The following TUSC3 variants were observed in gnomAD, a reference collection of about 807,000 sequenced individuals.
The protein encoded by TUSC3 is tumor suppressor candidate 3, also known as dolichyl-diphosphooligosaccharide--protein glycosyltransferase subunit TUSC3.
TUSC3 carries 45 observed loss-of-function variants against 44.8 expected under a neutral mutation model. The observed-to-expected ratio is 1.00, with a 90% CI of 0.79 to 1.29. TUSC3 has a LOEUF of 1.29. Ranked by LOEUF, TUSC3 falls within the 50% of genes most tolerant of loss-of-function variation. TUSC3 has a pLI of 0.00. For missense variants in TUSC3, 519 were observed against 437.9 expected, an observed-to-expected ratio of 1.19 and a Z score of -1.65; for synonymous variants, 212 against 152.9, an observed-to-expected ratio of 1.39 and a Z score of -2.85.
At position 15,650,803 on chromosome 8, in the gene TUSC3, G is replaced by A. The variant is rs371225890; in HGVS notation, c.415G>A (p.Val139Ile). 209 of 1,613,622 alleles carry A rather than the reference G, an allele frequency of 1.3e-4. No individual in the cohort carries two copies. The highest frequency in any genetic ancestry group is 1.8e-4 in the South Asian group (16 of 91,076). The change falls in exon 3 of 11, where the codon GTT becomes ATT. Residue 139 changes from valine to isoleucine, a missense_variant. Val to Ile is a conservative substitution (Grantham distance 29). Coordinates refer to ENST00000503731, the MANE Select transcript of TUSC3 (RefSeq NM_006765.4). ...SMVDYDEGTDVFQQLNMNSAP... is the reference protein window; with the variant it reads ...SMVDYDEGTDIFQQLNMNSAP... ...GGTGGACTATGATGAGGGGACAGAC[G>A]TTTTTCAGCAGGTAAAGAGTTATAT...
At chr8:15,494,576 C>G (rs1468566330) in intron 2 of TUSC3, among the ~76,000 whole-genome samples, 1 of 152,178 alleles carries the variant, frequency 6.6e-6, no homozygotes, top group Non-Finnish European at 1.5e-5. Context: ...CTCAGCTTCC[C>G]AAAGTGCTGG....
intron 2 of TUSC3, among the ~76,000 whole-genome samples, chr8:15,501,931 G>A (rs1358435781): frequency 3.3e-5 from 5 of 152,156 alleles, no homozygotes; most frequent in Non-Finnish European, 5.9e-5. Context: ...TTGATCTCTG[G>A]AAGTAACGAC....
intron 1 of TUSC3, among the ~76,000 whole-genome samples, chr8:15,423,960 T>G: frequency 6.9e-6 from 1 of 144,034 alleles, no homozygotes; most frequent in Non-Finnish European, 1.5e-5. Context: ...ATTCATACTG[T>G]TTTGCTTTGT....
chr8:15,653,364 AT>A (rs1328472019), intron 3 of TUSC3, among the ~76,000 whole-genome samples: 2 of 152,344 alleles, frequency 1.3e-5, no homozygotes, highest in Middle Eastern at 3.4e-3. Context: ...TTGGCAGTTA[AT>A]TCATATTTTT....
intron 1 of TUSC3, among the ~76,000 whole-genome samples, chr8:15,590,430 T>G (rs1803778060): frequency 3.3e-5 from 5 of 152,130 alleles, no homozygotes; most frequent in Admixed American, 1.3e-4. Context: ...TTTGTTTTCT[T>G]TCTCCTCCGG....
chr8:15,495,550 A>G (rs1336918400), intron 2 of TUSC3, among the ~76,000 whole-genome samples: 2 of 152,068 alleles, frequency 1.3e-5, no homozygotes, highest in African/African-American at 4.8e-5. Context: ...GGTATTAGTG[A>G]CTACTCATAT....
chr8:15,631,610 T>C (rs191266944), intron 2 of TUSC3, among the ~76,000 whole-genome samples: 2 of 152,188 alleles, frequency 1.3e-5, no homozygotes, highest in African/African-American at 2.4e-5. Context: ...ATGAGTTACA[T>C]ACATCATGAA....
intron 1 of TUSC3, among the ~76,000 whole-genome samples, chr8:15,612,333 A>T (rs1804800026): frequency 1.3e-5 from 2 of 152,216 alleles, no homozygotes; most frequent in African/African-American, 4.8e-5. Context: ...TAGGGATAAA[A>T]TGTTGAAACA....
the TUSC3 span, among the ~76,000 whole-genome samples, chr8:15,791,774 C>A: frequency 6.6e-6 from 1 of 152,094 alleles, no homozygotes; most frequent in Non-Finnish European, 1.5e-5. Context: ...CTGGTAAGGT[C>A]ATAGGTCTTC....
chr8:15,530,013 C>T (rs1022100580), intron 2 of TUSC3, among the ~76,000 whole-genome samples: 4 of 128,324 alleles, frequency 3.1e-5, no homozygotes, highest in South Asian at 2.4e-4. Flanking sequence ...TCTCGATCTC[C>T]TGACCTCGTG....
chr8:15,594,116 C>T (rs1372293013), intron 1 of TUSC3, among the ~76,000 whole-genome samples: 1 of 152,154 alleles, frequency 6.6e-6, no homozygotes, highest in African/African-American at 2.4e-5. Flanking sequence ...TAATAGGCCA[C>T]TTAAAGTTGT....
chr8:15,455,529 C>T (rs948174154), intron 1 of TUSC3, among the ~76,000 whole-genome samples: 3 of 151,932 alleles, frequency 2.0e-5, no homozygotes, highest in Non-Finnish European at 4.4e-5. Flanking sequence ...ACATAACATA[C>T]AGAGGCACAC....
At chr8:15,518,506 G>C (rs1027782017) in intron 2 of TUSC3, among the ~76,000 whole-genome samples, 6 of 152,262 alleles carry the variant, frequency 3.9e-5, no homozygotes, top group African/African-American at 7.2e-5. Flanking sequence ...TAACAGAAAA[G>C]TGTTTATTTT....
At chr8:15,710,869 T>TTA (rs1809814477) in intron 6 of TUSC3, among the ~76,000 whole-genome samples, 1 of 147,588 alleles carries the variant, frequency 6.8e-6, no homozygotes, top group African/African-American at 2.5e-5. Context: ...CTAAGCTGCA[T>TTA]TATATATATA....
rs151050850 is a variant in TUSC3 at position 15,718,524 on chromosome 8, T to C, written c.799-12142T>C. ...AGTTACATCATAAGATGTGAAAATA[T>C]AGACCTGGCTGGGATGGGATCTTTC... On this transcript the variant is annotated intron_variant, in intron 6 of 10. Transcript: ENST00000503731. 4.1e-3 allele frequency among the ~76,000 whole-genome samples: 625 copies of C among 152,258 alleles called. 4 individuals carry two copies. The highest frequency in any genetic ancestry group is 0.014 in the African/African-American group (597 of 41,578).
At position 15,704,352 on chromosome 8, in the gene TUSC3, C is replaced by T. The variant is rs529496292; in HGVS notation, c.799-26314C>T. ...TAGATATGATTAGAGTGACACGGTG[C>T]TGTGCTGTGGGGCAGGGGCAAGAGC... On this transcript the variant is annotated intron_variant, in intron 6 of 10. Coordinates refer to ENST00000503731, the MANE Select transcript of TUSC3 (RefSeq NM_006765.4). Among the ~76,000 whole-genome samples the T allele has an allele frequency of 2.7e-5, 4 of 149,454 alleles. No homozygotes were observed. In the East Asian group the frequency reaches 8.0e-4, roughly 30 times the overall value.
intron 1 of TUSC3, among the ~76,000 whole-genome samples, chr8:15,433,986 A>G (rs2129117275): frequency 6.6e-6 from 1 of 152,320 alleles, no homozygotes; most frequent in East Asian, 1.9e-4. Context: ...TAAAAGTGTA[A>G]TTACTGTGTC....
chr8:15,772,502 C>G, the TUSC3 span, among the ~76,000 whole-genome samples: 10 of 152,070 alleles, frequency 6.6e-5, no homozygotes, highest in African/African-American at 1.9e-4. Context: ...GACCTCTTAA[C>G]AAGAGATTGA....
At chr8:15,741,489 A>T (rs988992872) in intron 7 of TUSC3, among the ~76,000 whole-genome samples, 1 of 152,284 alleles carries the variant, frequency 6.6e-6, no homozygotes, top group Admixed American at 6.5e-5. Flanking sequence ...CAGGCAGACC[A>T]CTTGAGGCCA....
Sources: gnomAD v4.1 joint callset for allele counts (sites outside exome capture counted in the v4.1 genomes callset) on GRCh38, gnomAD v4.1.1 for gene constraint, MANE v1.5 for transcripts, NCBI Gene and HGNC (gene_info 2026-07-23, HGNC 2026-07-21) for gene names.